Variants in CDKL5 observed in about 807,000 individuals in gnomAD.
CDKL5 encodes the protein cyclin-dependent kinase-like 5.
In CDKL5, 8 loss-of-function variants were observed where a neutral mutation model predicts 61.7. That is an observed-to-expected ratio of 0.13 (90% CI 0.08 to 0.23). The LOEUF (loss-of-function observed/expected upper bound fraction) is 0.23. Among genes scored for constraint, CDKL5 ranks in the 10% least tolerant of loss-of-function variants. The pLI is 1.00. For synonymous variants in CDKL5, 275 were observed against 272.3 expected (o/e 1.01, Z -0.10); for missense variants, 440 against 734.5 (o/e 0.60, Z 4.63).
At chrX:18,644,592 G>C, downstream of CDKL5, 1 of 1,211,271 alleles carries the variant, frequency 8.3e-7, no homozygotes, top group Non-Finnish European at 1.1e-6. Flanking sequence ...GTAACCACTG[G>C]CTACTGTCCT....
chrX:18,554,708 G>T (rs1022955063), intron 3 of CDKL5, among the ~76,000 whole-genome samples: 1 of 111,107 alleles, frequency 9.0e-6, no homozygotes, highest in Non-Finnish European at 1.9e-5. Context: ...GAGCCACTGC[G>T]CCTGGCCATT....
chrX:18,608,831 A>C lies in CDKL5; in HGVS notation c.1965A>C (p.Pro655=). 1 of 1,206,834 alleles carries C rather than the reference A, an allele frequency of 8.3e-7. No homozygotes were observed. Among genetic ancestry groups the C allele is most frequent in the Non-Finnish European group, 1.1e-6 (1 of 891,032 alleles). ...TCCAGCCTGGAGAACAGCTCCCTCC[A>C]GAGATGACTGTGGCAAGATCTTCGG... ...LSPQPGEQLP[P]EMTVARSSVK... The change falls in exon 13 of 18, where the codon CCA becomes CCC. Residue 655 remains proline, a synonymous_variant. Transcript: ENST00000623535.
chrX:18,468,270 T>C (rs1190571138), intron 1 of CDKL5, among the ~76,000 whole-genome samples: 1 of 112,618 alleles, frequency 8.9e-6, no homozygotes, highest in African/African-American at 3.2e-5. Flanking sequence ...TTCTGGATTC[T>C]TTTCAGAATG....
intron 11 of CDKL5, among the ~76,000 whole-genome samples, chrX:18,601,096 C>T (rs1339279383): frequency 1.8e-5 from 2 of 111,844 alleles, no homozygotes; most frequent in East Asian, 2.8e-4. Flanking sequence ...TTGGTTGCCA[C>T]GTACAAACTC....
chrX:18,510,888 A>G lies in CDKL5; in HGVS notation c.99+34A>G, dbSNP rs137874941. Reference sequence around the variant, plus strand: ...ATTATTTTTAAAAAGAAATATCTGTATATGTTTAACTGTTTTGAAACTAAT... The same window carrying G: ...ATTATTTTTAAAAAGAAATATCTGTGTATGTTTAACTGTTTTGAAACTAAT... On this transcript the variant is annotated intron_variant, in intron 3 of 17. Coordinates refer to ENST00000623535, the MANE Select transcript of CDKL5 (RefSeq NM_001323289.2). 1.8e-4 allele frequency: 183 copies of G among 1,035,356 alleles called. No individual in the cohort carries two copies. The African/African-American group carries it at 2.2e-3, about 12-fold the overall frequency. The allele number at this position is 1,035,356 out of a possible 1,213,427, so 85.3% of individuals were successfully genotyped here.
In CDKL5 at chrX:18,647,802, A is replaced by T. The variant is rs775317547; in HGVS notation, c.2797+1712A>T. 391 of 138,683 alleles carry T rather than the reference A, an allele frequency of 2.8e-3. 4 individuals are homozygous for T. The highest frequency in any genetic ancestry group is 0.012 in the African/African-American group (368 of 31,574). The allele number at this position is 138,683 out of a possible 1,213,427, so 11.4% of individuals were successfully genotyped here. A position where few individuals can be genotyped will look rare whatever the true frequency, so the allele number is the denominator to read the frequency against. ...CAGATCATGCCAATTATAGGGACAA[A>T]ACCACAGTGAGACGCAAGAAGGGCG... On this transcript the variant is annotated intron_variant, in intron 20 of 21. Coordinates refer to the CDKL5 transcript ENST00000379989.
chrX:18,493,960 G>A (rs769057202), intron 1 of CDKL5, among the ~76,000 whole-genome samples: 1 of 111,738 alleles, frequency 8.9e-6, no homozygotes, highest in Non-Finnish European at 1.9e-5. Context: ...CATCACCCAG[G>A]CTAGAGTGCA....
chrX:18,504,932 CAAAAAA>C (rs1287470678), intron 1 of CDKL5, among the ~76,000 whole-genome samples: 1 of 41,237 alleles, frequency 2.4e-5, no homozygotes. Context: ...AACTCCGTCT[CAAAAAA>C]AAAAAAAAAA....
chrX:18,596,225 C>T (rs1925988922), intron 10 of CDKL5, among the ~76,000 whole-genome samples: 1 of 111,132 alleles, frequency 9.0e-6, no homozygotes, highest in African/African-American at 3.3e-5. Context: ...AAAAGGCATA[C>T]TTAGCACAGT....
At chrX:18,450,171 T>A (rs1362782534) in intron 1 of CDKL5, among the ~76,000 whole-genome samples, 3 of 112,198 alleles carry the variant, frequency 2.7e-5, no homozygotes, top group African/African-American at 9.7e-5. Flanking sequence ...TCTTTTGAAG[T>A]GAAATAAGCA....
intron 3 of CDKL5, among the ~76,000 whole-genome samples, chrX:18,523,486 A>G (rs1255913708): frequency 8.9e-6 from 1 of 112,139 alleles, no homozygotes; most frequent in African/African-American, 3.2e-5. Context: ...ACAATATTGG[A>G]ACAACATATA....
At chrX:18,653,348 G>A in intron 21 of CDKL5, 1 of 1,170,952 alleles carries the variant, frequency 8.5e-7, no homozygotes, top group Non-Finnish European at 1.1e-6. Flanking sequence ...TCTGCTCCGT[G>A]GGGGGCCCGG....
At chrX:18,506,890 G>A in intron 1 of CDKL5, 45 bp from the exon 2 acceptor site, 1 of 417,378 alleles carries the variant, frequency 2.4e-6, no homozygotes, top group South Asian at 3.9e-5. Context: ...CTAGAGTACT[G>A]CAAATATAAA....
rs990969727 is a variant in CDKL5 at position 18,504,141 on chromosome X, T to A, written c.-162-2794T>A. 6.3e-5 allele frequency among the ~76,000 whole-genome samples: 7 copies of A among 111,030 alleles called. 1 individual carries two copies. The highest frequency in any genetic ancestry group is 1.3e-4 in the Non-Finnish European group (7 of 52,951). The stretch of plus-strand genomic sequence containing the variant: ...GTTTGGTGGAGACAGGGTCTCACAC[T>A]GTTGCCCAGGCTAGTGTCCGGTGGC... On this transcript the variant is annotated intron_variant, in intron 1 of 17. Transcript: ENST00000623535.
intron 3 of CDKL5, among the ~76,000 whole-genome samples, chrX:18,547,245 C>T (rs962794290): frequency 8.9e-6 from 1 of 112,072 alleles, no homozygotes; most frequent in East Asian, 2.8e-4. Flanking sequence ...GAGAAACTAA[C>T]TGCAAATGAT....
downstream of CDKL5, chrX:18,641,143 G>A (rs1343034857): frequency 8.9e-6 from 1 of 112,364 alleles, no homozygotes; most frequent in Non-Finnish European, 1.9e-5. Context: ...ACTATGTTTG[G>A]TTTGCTAGGA....
intron 1 of CDKL5, among the ~76,000 whole-genome samples, chrX:18,450,451 G>A (rs1931985898): frequency 8.9e-6 from 1 of 112,098 alleles, no homozygotes; most frequent in South Asian, 3.6e-4. Context: ...TAGACAAAAA[G>A]TTGTTTTTAC....
intron 15 of CDKL5, among the ~76,000 whole-genome samples, chrX:18,619,376 A>G (rs1926819348): frequency 9.0e-6 from 1 of 111,228 alleles, no homozygotes; most frequent in Non-Finnish European, 1.9e-5. Flanking sequence ...GTTTCTGGCA[A>G]ATTTTTACTT....
At chrX:18,459,676 G>A (rs1341326534) in intron 1 of CDKL5, among the ~76,000 whole-genome samples, 1 of 107,646 alleles carries the variant, frequency 9.3e-6, no homozygotes, top group Non-Finnish European at 1.9e-5. Flanking sequence ...TGCTTCTGGG[G>A]AGGCCTCAGG....
Sources: gnomAD v4.1 joint callset for allele counts (sites outside exome capture counted in the v4.1 genomes callset) on GRCh38, gnomAD v4.1.1 for gene constraint, MANE v1.5 for transcripts, NCBI Gene and HGNC (gene_info 2026-07-23, HGNC 2026-07-21) for gene names.